The following ABCB5 variants were observed in gnomAD, a reference collection of about 807,000 sequenced individuals.
The protein encoded by ABCB5 is ATP-binding cassette sub-family B member 5.
A neutral mutation model predicts 144.2 loss-of-function variants in ABCB5; 155 were observed. The ratio of observed to expected loss-of-function variants is 1.08; its 90% CI spans 0.94 to 1.23. ABCB5 has a LOEUF of 1.23. Among genes scored for constraint, ABCB5 ranks in the 50% most tolerant of loss-of-function variants. The pLI is 0.00. For synonymous variants in ABCB5, 610 were observed against 528.6 expected, an observed-to-expected ratio of 1.15 and a Z score of -2.11; for missense variants, 1,830 against 1,520.8, an observed-to-expected ratio of 1.20 and a Z score of -3.38.
chr7:20,734,967 G>A (rs6974423), intron 23 of ABCB5, among the ~76,000 whole-genome samples: 21,570 of 152,198 alleles, frequency 0.14, 2,233 homozygotes, highest in East Asian at 0.38. Context: ...CCTTTCGGCT[G>A]GTTTCCAGCT....
Position 20,755,519 on chromosome 7 carries a change from A to C in ABCB5, c.3669A>C (p.Ile1223=). 6.2e-7 allele frequency: 1 copy of C among 1,614,228 alleles called. No individual in the cohort carries two copies. The highest frequency in any genetic ancestry group is 8.5e-7 in the Non-Finnish European group (1 of 1,180,040). Residue 1223 remains isoleucine, a synonymous_variant, in exon 28 of 28, where the codon ATA becomes ATC. Coordinates refer to ENST00000404938, the MANE Select transcript of ABCB5 (RefSeq NM_001163941.2). ...CTGCAATTCAGAACGCAGATTTGAT[A>C]GTGGTTCTGCACAATGGAAAGATAA... ...RLSAIQNADL[I]VVLHNGKIKE...
chr7:20,636,585 G>T (rs950068284), intron 5 of ABCB5, among the ~76,000 whole-genome samples: 1 of 152,010 alleles, frequency 6.6e-6, no homozygotes, highest in East Asian at 1.9e-4. Flanking sequence ...AGGAATTCAA[G>T]ACCATCCTGG....
chr7:20,734,426 T>C (rs945259006), intron 23 of ABCB5, among the ~76,000 whole-genome samples: 1 of 150,396 alleles, frequency 6.6e-6, no homozygotes, highest in African/African-American at 2.5e-5. Flanking sequence ...CTGCAAAATC[T>C]GATTTGTAGA....
chr7:20,687,758 G>A (rs762564106), intron 16 of ABCB5, among the ~76,000 whole-genome samples: 4 of 152,184 alleles, frequency 2.6e-5, no homozygotes, highest in African/African-American at 4.8e-5. Flanking sequence ...ACAGTGACAG[G>A]TCTATAATAA....
At chr7:20,652,342 C>G (rs1784622503) in intron 13 of ABCB5, among the ~76,000 whole-genome samples, 1 of 152,104 alleles carries the variant, frequency 6.6e-6, no homozygotes, top group Non-Finnish European at 1.5e-5. Context: ...CCGAGGTGGG[C>G]AGATCACCTG....
intron 14 of ABCB5, among the ~76,000 whole-genome samples, chr7:20,661,813 G>C (rs771879338): frequency 9.9e-5 from 15 of 151,968 alleles, no homozygotes; most frequent in Non-Finnish European, 1.6e-4. Flanking sequence ...GATTACAGGG[G>C]TGAGCCACCG....
chr7:20,634,190 A>AAC (rs1784101000), intron 5 of ABCB5, among the ~76,000 whole-genome samples: 1 of 150,900 alleles, frequency 6.6e-6, no homozygotes, highest in Non-Finnish European at 1.5e-5. Context: ...CTGCAAAAAA[A>AAC]AAACAAACCA....
intron 15 of ABCB5, among the ~76,000 whole-genome samples, chr7:20,683,558 T>TTAAG (rs144295858): frequency 0.082 from 12,404 of 152,180 alleles, 686 homozygotes; most frequent in Non-Finnish European, 0.12. Flanking sequence ...ATTATAGGTC[T>TTAAG]TAAGTTAAAT....
chr7:20,650,035 T>G lies in ABCB5; in HGVS notation c.1220T>G (p.Leu407Arg), dbSNP rs779609224. The G allele has an allele frequency of 3.1e-6, 5 of 1,612,418 alleles. No homozygotes were observed. The South Asian group carries it at 5.5e-5, about 18-fold the overall frequency. The change falls in exon 12 of 28, where the codon CTG becomes CGG. Residue 407 changes from leucine (L) to arginine (R), a missense_variant. Leu to Arg is a moderately radical substitution (Grantham distance 102). Transcript: ENST00000404938. ...ACATTCCAATAGATTCTGAAAGGTCTGAATCTCAGAATTAAGTCTGGAGAG... is the reference window on the plus strand; with the variant it reads ...ACATTCCAATAGATTCTGAAAGGTCGGAATCTCAGAATTAAGTCTGGAGAG... ...SRPSIKILKG[L>R]NLRIKSGETV...
intron 20 of ABCB5, among the ~76,000 whole-genome samples, chr7:20,712,251 TC>T (rs1190900297): frequency 6.8e-6 from 1 of 147,088 alleles, no homozygotes; most frequent in Non-Finnish European, 1.5e-5. Flanking sequence ...ATTATCCTTA[TC>T]TTTTTTCCTC....
intron 14 of ABCB5, among the ~76,000 whole-genome samples, chr7:20,671,734 T>G (rs745328328): frequency 1.3e-5 from 2 of 152,228 alleles, no homozygotes; most frequent in African/African-American, 2.4e-5. Context: ...TCATTTGAAT[T>G]ATTAGGTTTG....
At chr7:20,660,339 C>G (rs1784964575) in intron 14 of ABCB5, 2 of 985,132 alleles carry the variant, frequency 2.0e-6, no homozygotes, top group Non-Finnish European at 2.4e-6. Flanking sequence ...AATTCATTTA[C>G]TGTCCCTGTT....
chr7:20,624,939 G>T (rs139914151), intron 2 of ABCB5, among the ~76,000 whole-genome samples: 50 of 152,296 alleles, frequency 3.3e-4, no homozygotes, highest in African/African-American at 1.1e-3. Flanking sequence ...CCGCCCACCT[G>T]CCCACATGTT....
intron 23 of ABCB5, among the ~76,000 whole-genome samples, chr7:20,734,824 A>T (rs79489306): frequency 7.1e-4 from 108 of 152,268 alleles, no homozygotes; most frequent in African/African-American, 2.5e-3. Context: ...GTTCTCATGC[A>T]CCCATGTGTA....
Position 20,730,430 on chromosome 7 carries a change from C to T in ABCB5, c.2867+1975C>T, listed in dbSNP as rs1782170842. On this transcript the variant is annotated intron_variant, in intron 23 of 27. Coordinates refer to ENST00000404938, the MANE Select transcript of ABCB5 (RefSeq NM_001163941.2). Reference sequence around the variant, plus strand: ...AGGCTGAGGCATGAGAATCACTTGACCCGAGGAGGCAGAGGTTGCAATGAG... The same window carrying T: ...AGGCTGAGGCATGAGAATCACTTGATCCGAGGAGGCAGAGGTTGCAATGAG... Among the ~76,000 whole-genome samples the T allele has an allele frequency of 2.0e-5, 3 of 152,240 alleles. No individual in the cohort carries two copies. The South Asian group carries it at 6.2e-4, about 32-fold the overall frequency.
chr7:20,672,871 C>T (rs1303590254), intron 14 of ABCB5, among the ~76,000 whole-genome samples: 1 of 152,098 alleles, frequency 6.6e-6, no homozygotes, highest in Non-Finnish European at 1.5e-5. Context: ...CTGTTGACTC[C>T]ATTGCGTCAT....
Position 20,712,341 on chromosome 7 carries a change from T to G in ABCB5, c.2421+7534T>G, listed in dbSNP as rs1323189083. ...ACTTTGAAATGTGATTGTGATGGGT[T>G]TTGAAATAGCTTCCTACTTGTTTCT... On this transcript the variant is annotated intron_variant, in intron 20 of 27. Transcript: ENST00000404938. 4.7e-5 allele frequency among the ~76,000 whole-genome samples: 7 copies of G among 149,124 alleles called. 2 individuals carry two copies. Among genetic ancestry groups the G allele is most frequent in the Middle Eastern group, 6.9e-3 (2 of 288 alleles).
At chr7:20,651,717 G>C in intron 13 of ABCB5, 94 bp downstream of exon 13, 1 of 1,296,010 alleles carries the variant, frequency 7.7e-7, no homozygotes, top group Non-Finnish European at 1.1e-6. Flanking sequence ...ATGCAGAATA[G>C]TAGGGGTGTG....
intron 14 of ABCB5, among the ~76,000 whole-genome samples, chr7:20,669,351 A>G (rs1202219706): frequency 7.5e-5 from 11 of 146,686 alleles, no homozygotes; most frequent in Admixed American, 5.4e-4. Flanking sequence ...ATAGAAGTAG[A>G]CATGGGAGAC....
Sources: allele counts gnomAD v4.1 joint callset (sites outside exome capture counted in the v4.1 genomes callset), GRCh38; gene constraint gnomAD v4.1.1; transcripts MANE v1.5; gene names NCBI Gene and HGNC (gene_info 2026-07-23, HGNC 2026-07-21).